Variants in PCDH7 observed in about 807,000 individuals in gnomAD.
PCDH7 encodes protocadherin-7.
Under a neutral mutation model 58.9 loss-of-function variants are expected in PCDH7, and 17 were observed. The ratio of observed to expected loss-of-function variants is 0.29; its 90% CI spans 0.20 to 0.43. PCDH7 has a LOEUF of 0.43. PCDH7 is among the 20% of genes least tolerant of loss of function. PCDH7 has a pLI of 1.00. For synonymous variants in PCDH7, 664 were observed against 616.4 expected (o/e 1.08, Z -1.14); for missense variants, 1,274 against 1,441.0 (o/e 0.88, Z 1.88).
chr4:30,928,240 C>A (rs1481438244), intron 2 of PCDH7, among the ~76,000 whole-genome samples: 1 of 152,184 alleles, frequency 6.6e-6, no homozygotes, highest in East Asian at 1.9e-4. Flanking sequence ...GTACTCTCAA[C>A]CTCAGAGGTT....
intron 1 of PCDH7, among the ~76,000 whole-genome samples, chr4:30,909,141 T>C (rs1445819867): frequency 6.6e-6 from 1 of 152,108 alleles, no homozygotes; most frequent in African/African-American, 2.4e-5. Flanking sequence ...CCCTTCATGC[T>C]AAAAACACTC....
At position 30,883,488 on chromosome 4, in the gene PCDH7, G is replaced by A. The variant is rs184119748; in HGVS notation, c.71-36665G>A. Among the ~76,000 whole-genome samples the A allele has an allele frequency of 2.0e-4, 30 of 152,222 alleles. 1 individual carries two copies. The highest frequency in any genetic ancestry group is 3.3e-4 in the Admixed American group (5 of 15,270). On this transcript the variant is annotated intron_variant, in intron 1 of 3. Transcript: ENST00000509759. ...ACACCAGCATGACGAATGTAACGTG[G>A]TACTTACTTTGTTTCTAACATTTTT...
intron 1 of PCDH7, among the ~76,000 whole-genome samples, chr4:30,772,149 C>A (rs559067491): frequency 3.3e-5 from 5 of 152,138 alleles, no homozygotes; most frequent in Admixed American, 1.3e-4. Context: ...GGATTACAGG[C>A]GTGAGCCACC....
rs551749851 is a variant in PCDH7, at chr4:31,002,681, G to A, written c.*7+52466G>A. On this transcript the variant is annotated intron_variant, in intron 3 of 3. Coordinates refer to the PCDH7 transcript ENST00000509759. Reference sequence around the variant, plus strand: ...TTTAGCAATTAATGCAAATTTTACTGTAATTTTGGCATGAAATAATTATTG... The same window carrying A: ...TTTAGCAATTAATGCAAATTTTACTATAATTTTGGCATGAAATAATTATTG... 2.0e-5 allele frequency among the ~76,000 whole-genome samples: 3 copies of A among 152,294 alleles called. No individual in the cohort carries two copies. In the South Asian group the frequency reaches 6.2e-4, roughly 32 times the overall value.
chr4:30,785,117 A>G (rs1226245783), intron 1 of PCDH7, among the ~76,000 whole-genome samples: 1 of 152,066 alleles, frequency 6.6e-6, no homozygotes, highest in Non-Finnish European at 1.5e-5. Flanking sequence ...TGATAATTAA[A>G]TGAATAACTT....
rs909570893 is a variant in PCDH7 at position 30,722,137 on chromosome 4, G to C, written c.715G>C (p.Gly239Arg). ...GGGCGGCGGCGGCACCAACCCCGGC[G>C]GCCGCAGCAGCGTGTTCGAGCTGCA... Residue 239 changes from glycine to arginine, a missense_variant, in exon 1 of 2, where the codon GGC (glycine) becomes CGC (arginine). Gly to Arg is a moderately radical substitution (Grantham distance 125, BLOSUM62 -2). Around this residue, in one of 3 missense-constraint regions of PCDH7, gnomAD observed 331 missense variants for 303.2 expected, o/e 1.09. Coordinates refer to ENST00000361762, the Ensembl canonical transcript of PCDH7. The surrounding 1 kb of genome is among the most constrained non-coding windows in gnomAD (Gnocchi z 7.6). 2 of 1,446,132 alleles carry C rather than the reference G, an allele frequency of 1.4e-6. No homozygotes were observed. Among genetic ancestry groups the C allele is most frequent in the Non-Finnish European group, 1.8e-6 (2 of 1,103,902 alleles). The allele number at this position is 1,446,132 out of a possible 1,614,324, so 89.6% of individuals were successfully genotyped here.
At chr4:30,835,807 T>C (rs528178406) in intron 1 of PCDH7, among the ~76,000 whole-genome samples, 16 of 152,292 alleles carry the variant, frequency 1.1e-4, no homozygotes, top group African/African-American at 3.8e-4. Flanking sequence ...TAAATATGAA[T>C]GCATGCTGAA....
chr4:30,959,582 G>C (rs1217651657), intron 3 of PCDH7, among the ~76,000 whole-genome samples: 1 of 152,130 alleles, frequency 6.6e-6, no homozygotes, highest in Non-Finnish European at 1.5e-5. Context: ...GCAGTTGCAT[G>C]AATATAATAC....
At chr4:31,074,400 T>C (rs6838664) in intron 3 of PCDH7, among the ~76,000 whole-genome samples, 96,842 of 151,644 alleles carry the variant, frequency 0.64, 32,150 homozygotes, top group African/African-American at 0.82. Flanking sequence ...ACGATGTTAA[T>C]GACAGCGAGT....
intron 3 of PCDH7, among the ~76,000 whole-genome samples, chr4:31,050,565 G>A (rs1051938216): frequency 2.0e-5 from 3 of 152,094 alleles, no homozygotes; most frequent in African/African-American, 4.8e-5. Context: ...CCTTGTTCAA[G>A]TATTGATTAG....
At chr4:30,885,999 G>C (rs1300172255) in intron 1 of PCDH7, among the ~76,000 whole-genome samples, 1 of 151,374 alleles carries the variant, frequency 6.6e-6, no homozygotes, top group East Asian at 1.9e-4. Flanking sequence ...TTAAACGTTA[G>C]ACCTAAAACC....
At chr4:31,007,361 T>A (rs1415545300) in intron 3 of PCDH7, among the ~76,000 whole-genome samples, 2 of 152,228 alleles carry the variant, frequency 1.3e-5, no homozygotes, top group African/African-American at 2.4e-5. Context: ...TGGCTGACTG[T>A]GACTTTGGAG....
intron 3 of PCDH7, among the ~76,000 whole-genome samples, chr4:31,096,527 G>A (rs1714009984): frequency 6.6e-6 from 1 of 152,140 alleles, no homozygotes; most frequent in South Asian, 2.1e-4. Flanking sequence ...TTTGTAGCAT[G>A]TAATCAACCT....
intron 3 of PCDH7, among the ~76,000 whole-genome samples, chr4:31,073,455 T>C (rs1758723826): frequency 1.3e-5 from 2 of 152,154 alleles, no homozygotes; most frequent in Non-Finnish European, 2.9e-5. Flanking sequence ...TGACTCATCA[T>C]TACTTAGTCT....
At chr4:31,016,390 A>G (rs961256900) in intron 3 of PCDH7, among the ~76,000 whole-genome samples, 1 of 150,376 alleles carries the variant, frequency 6.6e-6, no homozygotes, top group Non-Finnish European at 1.5e-5. Context: ...ACTGAAAAAG[A>G]CAGATCTTTT....
chr4:30,981,016 T>C (rs1355362636), intron 3 of PCDH7, among the ~76,000 whole-genome samples: 1 of 152,190 alleles, frequency 6.6e-6, no homozygotes, highest in South Asian at 2.1e-4. Context: ...CTAATTTTTG[T>C]ATTTTTAGTA....
At chr4:30,910,808 G>A (rs1741637096) in intron 1 of PCDH7, among the ~76,000 whole-genome samples, 1 of 152,090 alleles carries the variant, frequency 6.6e-6, no homozygotes, top group Admixed American at 6.5e-5. Context: ...TCATGACTGG[G>A]TATATACCCA....
At position 31,137,555 on chromosome 4, in the gene PCDH7, G is replaced by A. The variant is rs1017456341; in HGVS notation, c.*8-4918G>A. On this transcript the variant is annotated intron_variant, in intron 3 of 3. Transcript: ENST00000509759. The stretch of plus-strand genomic sequence containing the variant: ...GCCGAGATCGTGCCACTGCACTCCA[G>A]CCTGGATGACAGAGCGAGACCCTTC... Among the ~76,000 whole-genome samples the A allele has an allele frequency of 1.1e-4, 17 of 152,348 alleles. No individual in the cohort carries two copies. The Middle Eastern group carries it at 0.014, about 122-fold the overall frequency.
At chr4:30,948,564 G>T (rs1408603825) in intron 2 of PCDH7, among the ~76,000 whole-genome samples, 1 of 152,088 alleles carries the variant, frequency 6.6e-6, no homozygotes, top group Non-Finnish European at 1.5e-5. Flanking sequence ...ATCAATTAAT[G>T]TTTTAAGTTA....
Sources: allele counts gnomAD v4.1 joint callset (sites outside exome capture counted in the v4.1 genomes callset), GRCh38; gene constraint gnomAD v4.1.1; regional missense constraint gnomAD v4.1.1; non-coding constraint Gnocchi (gnomAD v3.1); transcripts MANE v1.5; gene names NCBI Gene and HGNC (gene_info 2026-07-23, HGNC 2026-07-21).